Variants in SETBP1 observed in about 807,000 individuals in gnomAD.
SETBP1 encodes the protein SET binding protein 1.
In SETBP1, 9 loss-of-function variants were observed where a neutral mutation model predicts 101.0. That is an observed-to-expected ratio of 0.09 (90% confidence interval 0.05 to 0.16). The LOEUF is 0.16. Among genes scored for constraint, SETBP1 ranks in the 10% least tolerant of loss-of-function variants. The pLI is 1.00. For missense variants in SETBP1, 1,858 were observed against 2,033.8 expected (o/e 0.91, Z 1.66); for synonymous variants, 818 against 788.5 (o/e 1.04, Z -0.63).
At chr18:45,000,444 C>G (rs1248908087) in intron 4 of SETBP1, among the ~76,000 whole-genome samples, 1 of 152,142 alleles carries the variant, frequency 6.6e-6, no homozygotes, top group Non-Finnish European at 1.5e-5. Flanking sequence ...ATGTTCCTGC[C>G]TGGAAACAGG....
intron 2 of SETBP1, among the ~76,000 whole-genome samples, chr18:44,714,449 G>A (rs1360399363): frequency 2.6e-5 from 4 of 152,080 alleles, no homozygotes; most frequent in African/African-American, 9.7e-5. Context: ...TGATCCGCCC[G>A]CCTTGGCCTC....
intron 4 of SETBP1, among the ~76,000 whole-genome samples, chr18:44,977,420 T>A (rs916816820): frequency 6.6e-6 from 1 of 152,248 alleles, no homozygotes; most frequent in Admixed American, 6.5e-5. Context: ...TGGATGTGGC[T>A]GGCAAATGTC....
At chr18:44,819,839 C>T (rs897223114) in intron 2 of SETBP1, among the ~76,000 whole-genome samples, 6 of 152,174 alleles carry the variant, frequency 3.9e-5, no homozygotes, top group Admixed American at 1.3e-4. Context: ...ACTGGGACTG[C>T]GTGTAACCTA....
intron 4 of SETBP1, among the ~76,000 whole-genome samples, chr18:44,990,869 AAGTT>A (rs1045374748): frequency 2.0e-5 from 3 of 151,080 alleles, no homozygotes; most frequent in Non-Finnish European, 4.4e-5. Context: ...TATAATATCT[AAGTT>A]AGCCACTAAA....
At chr18:44,991,383 A>G (rs1335444968) in intron 4 of SETBP1, among the ~76,000 whole-genome samples, 1 of 152,078 alleles carries the variant, frequency 6.6e-6, no homozygotes, top group Non-Finnish European at 1.5e-5. Flanking sequence ...TAATCTAGAA[A>G]TATGCTTGTT....
chr18:44,849,722 C>T (rs1193438722), intron 2 of SETBP1, among the ~76,000 whole-genome samples: 2 of 151,976 alleles, frequency 1.3e-5, no homozygotes, highest in East Asian at 3.9e-4. Flanking sequence ...TCATCACTTT[C>T]TAACTGTGTG....
At chr18:44,779,228 T>C (rs1456824385) in intron 2 of SETBP1, among the ~76,000 whole-genome samples, 1 of 152,170 alleles carries the variant, frequency 6.6e-6, no homozygotes, top group Non-Finnish European at 1.5e-5. Flanking sequence ...AGGGTATGTG[T>C]GATGCTTCTG....
At chr18:45,052,610 C>T (rs375640012) in intron 5 of SETBP1, among the ~76,000 whole-genome samples, 4 of 152,308 alleles carry the variant, frequency 2.6e-5, no homozygotes, top group African/African-American at 7.2e-5. Flanking sequence ...GTTGGGCACA[C>T]ACACCTGTAG....
Position 44,949,290 on chromosome 18 carries a change from T to TAGA in SETBP1, c.541-591_541-590insAGA, listed in dbSNP as rs2071281691. ...TGTTTTTACTGGTTACAGTGGTTCC[T>TAGA]GATGAGCTACTTGTACAGAGATGTT... is the stretch of plus-strand genomic sequence containing the variant. On this transcript the variant is annotated intron_variant, in intron 3 of 5. Transcript: ENST00000649279. Among the ~76,000 whole-genome samples, 7 of 152,352 alleles carry TAGA rather than the reference T, an allele frequency of 4.6e-5. No homozygotes were observed. In the South Asian group the frequency reaches 1.4e-3, roughly 32 times the overall value.
At chr18:44,843,507 C>T (rs979664205) in intron 2 of SETBP1, among the ~76,000 whole-genome samples, 2 of 152,192 alleles carry the variant, frequency 1.3e-5, no homozygotes, top group Non-Finnish European at 2.9e-5. Flanking sequence ...TCAGTTGCTC[C>T]TCTGGGGAGC....
At chr18:45,056,994 G>A (rs904573472) in intron 5 of SETBP1, among the ~76,000 whole-genome samples, 1 of 152,162 alleles carries the variant, frequency 6.6e-6, no homozygotes, top group African/African-American at 2.4e-5. Flanking sequence ...AGCTAGTCAT[G>A]TTTTCAAAGA....
chr18:44,949,853 T>C (rs2071293343), intron 3 of SETBP1, 28 bp from the exon 4 acceptor site: 1 of 1,544,280 alleles, frequency 6.5e-7, no homozygotes, highest in South Asian at 1.1e-5. Context: ...TCTCTGTCTC[T>C]CTCCCTCTCC....
chr18:44,972,708 A>AT (rs1287683588), intron 4 of SETBP1, among the ~76,000 whole-genome samples: 1 of 152,020 alleles, frequency 6.6e-6, no homozygotes, highest in East Asian at 1.9e-4. Flanking sequence ...AATGCTTGTG[A>AT]TTTTTTCACA....
intron 1 of SETBP1, among the ~76,000 whole-genome samples, chr18:44,698,833 G>GA (rs542870367): frequency 2.6e-5 from 4 of 152,118 alleles, no homozygotes; most frequent in Non-Finnish European, 5.9e-5. Flanking sequence ...TTTGAGAACA[G>GA]AAAAAAATTT....
At chr18:44,787,046 T>G (rs1436383775) in intron 2 of SETBP1, among the ~76,000 whole-genome samples, 1 of 152,216 alleles carries the variant, frequency 6.6e-6, no homozygotes, top group Non-Finnish European at 1.5e-5. Flanking sequence ...ATTTATAGAC[T>G]TTGATGCCCT....
At chr18:44,833,730 C>T (rs770076943) in intron 2 of SETBP1, among the ~76,000 whole-genome samples, 1 of 152,182 alleles carries the variant, frequency 6.6e-6, no homozygotes, top group Non-Finnish European at 1.5e-5. Flanking sequence ...TTTCCTGGCT[C>T]AGAAATGGCC....
intron 3 of SETBP1, among the ~76,000 whole-genome samples, chr18:44,915,044 T>C (rs1402602406): frequency 6.6e-6 from 1 of 152,154 alleles, no homozygotes; most frequent in Non-Finnish European, 1.5e-5. Flanking sequence ...TACTGCATCT[T>C]AAATATGTGT....
Position 45,052,556 on chromosome 18 carries a change from A to G in SETBP1, c.4172-10523A>G, listed in dbSNP as rs555626269. Among the ~76,000 whole-genome samples, 6 of 152,308 alleles carry G rather than the reference A, an allele frequency of 3.9e-5. No homozygotes were observed. The South Asian group carries it at 6.2e-4, about 16-fold the overall frequency. On this transcript the variant is annotated intron_variant, in intron 5 of 5. Transcript: ENST00000649279. The stretch of plus-strand genomic sequence containing the variant: ...AATGCAAGACTTTTTTCCCTATTCA[A>G]CATCAGATGTAATATCCTCTCTGAC...
chr18:44,818,306 T>C (rs991147210), intron 2 of SETBP1, among the ~76,000 whole-genome samples: 1 of 152,174 alleles, frequency 6.6e-6, no homozygotes, highest in African/African-American at 2.4e-5. Flanking sequence ...TCACCGAACC[T>C]TAAAGAAAGA....
Sources: allele counts gnomAD v4.1 joint callset (sites outside exome capture counted in the v4.1 genomes callset), GRCh38; gene constraint gnomAD v4.1.1; transcripts MANE v1.5; gene names NCBI Gene and HGNC (gene_info 2026-07-23, HGNC 2026-07-21).